Variants in BPIFA2 observed in about 807,000 individuals in gnomAD.
The protein encoded by BPIFA2 is BPI fold containing family A member 2.
A neutral mutation model predicts 25.7 loss-of-function variants in BPIFA2; 20 were observed. The ratio of observed to expected loss-of-function variants is 0.78; its 90% confidence interval spans 0.55 to 1.13. The LOEUF (loss-of-function observed/expected upper bound fraction) is 1.13, where lower values mean the gene tolerates loss of function less well. BPIFA2 is among the 50% of genes most tolerant of loss of function. BPIFA2 has a pLI of 0.00. For missense variants in BPIFA2, 300 were observed against 298.1 expected, an observed-to-expected ratio of 1.01 and a Z score of -0.05; for synonymous variants, 126 against 124.3, an observed-to-expected ratio of 1.01 and a Z score of -0.09.
At chr20:33,174,227 C>A (rs760561107) in intron 4 of BPIFA2, 41 bp downstream of exon 4, 2 of 1,587,704 alleles carry the variant, frequency 1.3e-6, no homozygotes, top group Non-Finnish European at 1.7e-6. Flanking sequence ...AAAGGCAGTG[C>A]AACCTGGCCG....
chr20:33,173,113 A>C, intron 3 of BPIFA2, 37 bp downstream of exon 3: 1 of 1,600,018 alleles, frequency 6.2e-7, no homozygotes, highest in East Asian at 2.2e-5. Flanking sequence ...CTTTGCTCTA[A>C]GGAAAGGGAA....
intron 3 of BPIFA2, among the ~76,000 whole-genome samples, chr20:33,173,396 T>C (rs918473336): frequency 6.6e-6 from 1 of 152,210 alleles, no homozygotes; most frequent in Non-Finnish European, 1.5e-5. Context: ...CCCTTTTCCA[T>C]ATATAACTGG....
intron 7 of BPIFA2, 48 bp from the exon 8 acceptor site, chr20:33,180,472 A>T: frequency 6.3e-7 from 1 of 1,580,752 alleles, no homozygotes; most frequent in Non-Finnish European, 8.7e-7. Context: ...GTCTCTATTC[A>T]ATTCCAGTGG....
At chr20:33,162,127 C>A (rs1983599887) in intron 1 of BPIFA2, among the ~76,000 whole-genome samples, 1 of 152,084 alleles carries the variant, frequency 6.6e-6, no homozygotes, top group Non-Finnish European at 1.5e-5. Flanking sequence ...ACTACAGGCA[C>A]CTGCCACCAC....
At chr20:33,171,438 G>C (rs1983893974) in intron 2 of BPIFA2, among the ~76,000 whole-genome samples, 1 of 152,172 alleles carries the variant, frequency 6.6e-6, no homozygotes, top group Non-Finnish European at 1.5e-5. Flanking sequence ...ACTGGCATTA[G>C]AGTGAACAGG....
chr20:33,173,026 G>T lies in BPIFA2; in HGVS notation c.252G>T (p.Leu84Phe). The T allele has an allele frequency of 6.2e-7, 1 of 1,614,114 alleles. No homozygotes were observed. Among genetic ancestry groups the T allele is most frequent in the Non-Finnish European group, 8.5e-7 (1 of 1,180,014 alleles). The change falls in exon 3 of 9, where the codon TTG becomes TTT. Residue 84 changes from leucine (L) to phenylalanine (F), a missense_variant. Coordinates refer to ENST00000354932, the MANE Select transcript of BPIFA2 (RefSeq NM_080574.4). ...AKQKAQEAEK[L>F]LNNVISKLLP... is the part of the protein sequence containing the mutation. ...AGAAGGCCCAGGAAGCTGAGAAATT[G>T]CTGAACAATGTCATTTCTAAGCTGC... is the stretch of plus-strand genomic sequence containing the variant.
Position 33,174,065 on chromosome 20 carries a change from T to C in BPIFA2, c.303-14T>C, listed in dbSNP as rs764814958. ...CATGAGGAGTGACAAGGGTGAATTGTGGGTTTCACACAGGTTGAAAATCAG... is the reference window on the plus strand; with the variant it reads ...CATGAGGAGTGACAAGGGTGAATTGCGGGTTTCACACAGGTTGAAAATCAG... On this transcript the variant is annotated splice_polypyrimidine_tract_variant and intron_variant, in intron 3 of 8. Transcript: ENST00000354932. The C allele has an allele frequency of 3.1e-5, 50 of 1,609,518 alleles. No homozygotes were observed. Among genetic ancestry groups the C allele is most frequent in the Non-Finnish European group, 4.1e-5 (48 of 1,175,914 alleles).
upstream of BPIFA2, among the ~76,000 whole-genome samples, chr20:33,164,680 C>G (rs1983675012): frequency 6.6e-6 from 1 of 151,104 alleles, no homozygotes; most frequent in Non-Finnish European, 1.5e-5. Flanking sequence ...CTTTTTTCCT[C>G]CTTCTCTCTC....
chr20:33,173,935 C>T (rs1210656259), intron 3 of BPIFA2, 144 bp from the exon 4 acceptor site: 1 of 627,234 alleles, frequency 1.6e-6, no homozygotes, highest in Non-Finnish European at 2.9e-6. Flanking sequence ...TACAGAGAAT[C>T]AAACCTCTGA....
In BPIFA2 at chr20:33,173,142, T is replaced by C. The variant is rs1983959464; in HGVS notation, c.302+66T>C. 3.2e-6 allele frequency: 5 copies of C among 1,552,958 alleles called. No homozygotes were observed. In the East Asian group the frequency reaches 9.0e-5, roughly 28 times the overall value. Reference sequence around the variant, plus strand: ...AAGGGAAAACATATCTTTGAGGAGGTAAGTTTAAGATGAAAGACAGATGGA... The same window carrying C: ...AAGGGAAAACATATCTTTGAGGAGGCAAGTTTAAGATGAAAGACAGATGGA... On this transcript the variant is annotated intron_variant, in intron 3 of 8. Coordinates refer to ENST00000354932, the MANE Select transcript of BPIFA2 (RefSeq NM_080574.4).
intron 4 of BPIFA2, among the ~76,000 whole-genome samples, chr20:33,174,496 T>C (rs780180751): frequency 9.2e-5 from 14 of 152,236 alleles, no homozygotes; most frequent in Non-Finnish European, 1.9e-4. Flanking sequence ...TGGCAAAATT[T>C]CCTCCAGCAT....
At chr20:33,174,857 G>A (rs570294489) in intron 4 of BPIFA2, among the ~76,000 whole-genome samples, 1 of 152,314 alleles carries the variant, frequency 6.6e-6, no homozygotes, top group South Asian at 2.1e-4. Flanking sequence ...GCTGCAGTGA[G>A]CCGTGATTGC....
Position 33,175,566 on chromosome 20 carries a change from C to A in BPIFA2, c.563+7C>A. On this transcript the variant is annotated splice_region_variant and intron_variant, in intron 5 of 8. Transcript: ENST00000354932. ...CACTTTCCTTGCTGGACAAGTAAGT[C>A]CCATTCATCTTAGTAGAGCTGGGCT... The A allele has an allele frequency of 6.2e-7, 1 of 1,613,448 alleles. No homozygotes were observed. Among genetic ancestry groups the A allele is most frequent in the Non-Finnish European group, 8.5e-7 (1 of 1,179,682 alleles).
intron 5 of BPIFA2, among the ~76,000 whole-genome samples, chr20:33,175,915 T>A (rs984633116): frequency 9.2e-5 from 14 of 152,168 alleles, no homozygotes; most frequent in African/African-American, 3.4e-4. Context: ...CCCACCATAA[T>A]CATGGATTTG....
chr20:33,164,019 G>C (rs1983650749), upstream of BPIFA2, among the ~76,000 whole-genome samples: 1 of 152,086 alleles, frequency 6.6e-6, no homozygotes, highest in Admixed American at 6.6e-5. Flanking sequence ...GAGAGAATAT[G>C]CCTTCTTGCC....
At chr20:33,170,277 A>G (rs1278658850) in intron 2 of BPIFA2, among the ~76,000 whole-genome samples, 1 of 152,166 alleles carries the variant, frequency 6.6e-6, no homozygotes, top group Non-Finnish European at 1.5e-5. Flanking sequence ...CAATATTATG[A>G]TTACATCTCT....
chr20:33,173,078 T>C lies in BPIFA2; in HGVS notation c.302+2T>C, dbSNP rs1432120726. ...TCCAACTAACACGGACATTTTTGGG[T>C]GAGTTGGTCCTTCAGGGTGGAGATC... On this transcript the variant is annotated splice_donor_variant, in intron 3 of 8. Coordinates refer to ENST00000354932, the MANE Select transcript of BPIFA2 (RefSeq NM_080574.4). LOFTEE classifies it high-confidence loss of function. 1.2e-6 allele frequency: 2 copies of C among 1,613,416 alleles called. No individual in the cohort carries two copies. The highest frequency in any genetic ancestry group is 1.7e-6 in the Non-Finnish European group (2 of 1,179,698).
Position 33,174,168 on chromosome 20 carries a change from C to T in BPIFA2, c.392C>T (p.Ala131Val), listed in dbSNP as rs373907221. The T allele has an allele frequency of 4.4e-5, 71 of 1,613,966 alleles. No homozygotes were observed. The highest frequency in any genetic ancestry group is 4.5e-5 in the East Asian group (2 of 44,888). Residue 131 changes from alanine (A) to valine (V), a missense_variant, in exon 4 of 9, where the codon GCG becomes GTG. Transcript: ENST00000354932. ...KGLNLSFPVT[A>V]NVTVAGPIIG... ...CTTAACCTGAGCTTCCCTGTCACCG[C>T]GAATGTCACTGTGGCCGGGTGAGTA...
intron 2 of BPIFA2, among the ~76,000 whole-genome samples, chr20:33,169,864 A>C (rs1847508147): frequency 6.6e-6 from 1 of 152,170 alleles, no homozygotes; most frequent in Non-Finnish European, 1.5e-5. Flanking sequence ...AGTGAAAATT[A>C]AGGAAATTAT....
Sources: gnomAD v4.1 joint callset for allele counts (sites outside exome capture counted in the v4.1 genomes callset) on GRCh38, gnomAD v4.1.1 for gene constraint, MANE v1.5 for transcripts, NCBI Gene and HGNC (gene_info 2026-07-23, HGNC 2026-07-21) for gene names.